The following SYT16 variants were observed in gnomAD, a reference collection of about 807,000 sequenced individuals.
SYT16 encodes the protein synaptotagmin-16.
A neutral mutation model predicts 61.4 loss-of-function variants in SYT16; 42 were observed. That is an observed-to-expected ratio of 0.68 (90% confidence interval 0.53 to 0.89). SYT16 has a LOEUF of 0.89. Ranked by LOEUF, SYT16 falls within the 40% of genes least tolerant of loss-of-function variation. The pLI, the probability that SYT16 is intolerant of heterozygous loss-of-function variation, is 0.00. For synonymous variants in SYT16, 314 were observed against 302.3 expected, an observed-to-expected ratio of 1.04 and a Z score of -0.40; for missense variants, 804 against 807.3, an observed-to-expected ratio of 1.00 and a Z score of 0.05.
At chr14:61,978,078 G>A (rs1314366804) in intron 2 of SYT16, among the ~76,000 whole-genome samples, 3 of 152,102 alleles carry the variant, frequency 2.0e-5, no homozygotes, top group African/African-American at 7.2e-5. Context: ...ATTAGTCACT[G>A]GTGGTAATCA....
intron 1 of SYT16, among the ~76,000 whole-genome samples, chr14:61,924,403 A>G (rs903176297): frequency 6.6e-6 from 1 of 152,214 alleles, no homozygotes; most frequent in East Asian, 1.9e-4. Flanking sequence ...TGGAAACTTC[A>G]TTGCAGTTTA....
intron 3 of SYT16, among the ~76,000 whole-genome samples, chr14:62,024,925 A>G (rs1206495823): frequency 2.6e-5 from 4 of 152,078 alleles, no homozygotes; most frequent in Non-Finnish European, 5.9e-5. Flanking sequence ...CACCTATAGT[A>G]TACATTTAAG....
At chr14:61,841,615 C>T (rs1020664978) in intron 1 of SYT16, among the ~76,000 whole-genome samples, 2 of 152,158 alleles carry the variant, frequency 1.3e-5, no homozygotes, top group African/African-American at 2.4e-5. Context: ...GTGTACCCAT[C>T]AACCAAATAT....
intron 1 of SYT16, among the ~76,000 whole-genome samples, chr14:61,852,875 C>T (rs934774969): frequency 1.3e-5 from 2 of 152,108 alleles, no homozygotes; most frequent in Admixed American, 6.5e-5. Flanking sequence ...ACTGTAAACA[C>T]AGAGGTTTAT....
intron 3 of SYT16, among the ~76,000 whole-genome samples, chr14:62,018,298 CTTTTTTT>C (rs776473522): frequency 1.9e-4 from 10 of 51,622 alleles, no homozygotes; most frequent in African/African-American, 3.3e-4. Context: ...TCTTCTTCTT[CTTTTTTT>C]TTTTTTTTTT....
At chr14:61,961,731 A>G (rs2051124167) in intron 1 of SYT16, among the ~76,000 whole-genome samples, 2 of 152,226 alleles carry the variant, frequency 1.3e-5, no homozygotes, top group Admixed American at 1.3e-4. Context: ...AACTTAAAAC[A>G]GAATTACCAT....
chr14:61,853,729 CACTT>C (rs1376681749), intron 1 of SYT16, among the ~76,000 whole-genome samples: 6 of 152,112 alleles, frequency 3.9e-5, no homozygotes, highest in Non-Finnish European at 7.3e-5. Flanking sequence ...TGGACAAAGA[CACTT>C]ACATGTTGCA....
chr14:61,813,405 T>C (rs545293024), intron 1 of SYT16, among the ~76,000 whole-genome samples: 7 of 152,372 alleles, frequency 4.6e-5, no homozygotes, highest in African/African-American at 9.6e-5. Context: ...GCTTTTGGCA[T>C]CTTGGCACCG....
At chr14:62,081,346 G>A in intron 6 of SYT16, 72 bp downstream of exon 6, 7 of 1,457,836 alleles carry the variant, frequency 4.8e-6, no homozygotes, top group Non-Finnish European at 6.5e-6. Context: ...CCTTGATTTA[G>A]TACGTTCAGT....
At chr14:62,062,201 G>A (rs919653279) in intron 3 of SYT16, among the ~76,000 whole-genome samples, 2 of 152,144 alleles carry the variant, frequency 1.3e-5, no homozygotes, top group African/African-American at 4.8e-5. Context: ...ACAGATGTTT[G>A]CAGGAGGACC....
chr14:61,959,283 T>C (rs141378474), intron 1 of SYT16, among the ~76,000 whole-genome samples: 1 of 152,288 alleles, frequency 6.6e-6, no homozygotes, highest in East Asian at 1.9e-4. Flanking sequence ...AAGGGCTTAC[T>C]ATTGCCATAT....
At position 61,867,019 on chromosome 14, in the gene SYT16, G is replaced by A. The variant is rs184368016; in HGVS notation, c.-325+54209G>A. On this transcript the variant is annotated intron_variant, in intron 1 of 7. Coordinates refer to ENST00000683842, the MANE Select transcript of SYT16 (RefSeq NM_001367656.1). ...GCACTTGTTGAGATTATCCTTTCCC[G>A]GTTGCATTATCTAGGCATTTTTCCT... Among the ~76,000 whole-genome samples the A allele has an allele frequency of 1.6e-3, 244 of 151,256 alleles. 1 individual carries two copies. Among genetic ancestry groups the A allele is most frequent in the African/African-American group, 5.5e-3 (225 of 41,268 alleles).
intron 1 of SYT16, among the ~76,000 whole-genome samples, chr14:61,888,125 C>CTTTTTTTTT (rs756842240): frequency 7.5e-6 from 1 of 134,196 alleles, no homozygotes; most frequent in African/African-American, 2.8e-5. Flanking sequence ...CTTTTCTTTT[C>CTTTTTTTTT]TTTTTTTTTT....
chr14:62,063,277 C>T (rs939055446), intron 3 of SYT16, among the ~76,000 whole-genome samples: 1 of 152,046 alleles, frequency 6.6e-6, no homozygotes, highest in Non-Finnish European at 1.5e-5. Context: ...CTTTCCTGTG[C>T]GTATAAATGC....
intron 1 of SYT16, among the ~76,000 whole-genome samples, chr14:61,937,346 C>T (rs1014637801): frequency 2.0e-5 from 3 of 152,190 alleles, no homozygotes; most frequent in Non-Finnish European, 4.4e-5. Flanking sequence ...AAAGAAAAGG[C>T]GATCCTTTGC....
At chr14:61,899,763 A>G (rs1268775437) in intron 1 of SYT16, among the ~76,000 whole-genome samples, 1 of 152,226 alleles carries the variant, frequency 6.6e-6, no homozygotes, top group East Asian at 1.9e-4. Flanking sequence ...AATTGGGCTC[A>G]GAGCAGAAAG....
At chr14:61,906,886 C>T (rs1348153860) in intron 1 of SYT16, among the ~76,000 whole-genome samples, 1 of 152,124 alleles carries the variant, frequency 6.6e-6, no homozygotes, top group Admixed American at 6.5e-5. Flanking sequence ...GCTCTGAGGA[C>T]ACAATGGTAA....
At chr14:62,000,097 C>CG (rs200358908) in intron 3 of SYT16, among the ~76,000 whole-genome samples, 1 of 16,666 alleles carries the variant, frequency 6.0e-5, no homozygotes, top group African/African-American at 5.9e-4. Flanking sequence ...TTTTGTCTCT[C>CG]GATTTTTTTT....
chr14:61,815,378 G>A (rs952732480), intron 1 of SYT16, among the ~76,000 whole-genome samples: 13 of 152,278 alleles, frequency 8.5e-5, no homozygotes, highest in African/African-American at 3.1e-4. Context: ...GGCTATAGCT[G>A]AGTGCTTCCC....
Sources: gnomAD v4.1 joint callset for allele counts (sites outside exome capture counted in the v4.1 genomes callset) on GRCh38, gnomAD v4.1.1 for gene constraint, MANE v1.5 for transcripts, NCBI Gene and HGNC (gene_info 2026-07-23, HGNC 2026-07-21) for gene names.